DOT1L: variants seen among roughly 807,000 people sequenced by gnomAD.
DOT1L encodes histone-lysine N-methyltransferase, H3 lysine-79 specific.
A neutral mutation model predicts 153.3 loss-of-function variants in DOT1L; 33 were observed. That is an observed-to-expected ratio of 0.22 (90% CI 0.16 to 0.29). The LOEUF (loss-of-function observed/expected upper bound fraction) is 0.29. DOT1L is among the 10% of genes least tolerant of loss of function. DOT1L has a pLI of 1.00. For synonymous variants in DOT1L, 1,135 were observed against 965.1 expected (o/e 1.18, Z -3.26); for missense variants, 1,847 against 2,119.9 (o/e 0.87, Z 2.53).
chr19:2,230,109 A>C lies in DOT1L; in HGVS notation c.*317A>C, dbSNP rs559261408. On this transcript the variant is annotated 3_prime_UTR_variant, in exon 28 of 28. Transcript: ENST00000398665. ...CTATATATGAGAGCTCTATATAAAG[A>C]CACGTGTCTGCAGGGCGGGCCCGCC... 7.3e-5 allele frequency: 39 copies of C among 537,462 alleles called. No homozygotes were observed. In the South Asian group the frequency reaches 9.8e-4, roughly 14 times the overall value. The allele number at this position is 537,462 out of a possible 1,614,324, so 33.3% of individuals were successfully genotyped here.
At position 2,189,723 on chromosome 19, in the gene DOT1L, CT is replaced by C. The variant is rs2144736277; in HGVS notation, c.201-4del. 1 of 1,610,120 alleles carries C rather than the reference CT, an allele frequency of 6.2e-7. No individual in the cohort carries two copies. ...CCGCATGACCAGGGCCTTCCCTTGC[CT>C]TTTTCAGCTTCGAGAGCATGCAGAG... is the stretch of plus-strand genomic sequence containing the variant. On this transcript the variant is annotated splice_polypyrimidine_tract_variant and splice_region_variant and intron_variant, in intron 3 of 27. Transcript: ENST00000398665.
At chr19:2,168,246 T>C (rs1347569602) in intron 1 of DOT1L, among the ~76,000 whole-genome samples, 3 of 152,122 alleles carry the variant, frequency 2.0e-5, no homozygotes, top group African/African-American at 7.2e-5. Flanking sequence ...GGCGGGAGGA[T>C]TGCTTGAGCC....
In DOT1L at chr19:2,193,441, G is replaced by A. The variant is rs777982411; in HGVS notation, c.494-248G>A. ...GAGACTCAAAATGGATTCTGGTTTC[G>A]GGGGCCACCAAGTGATGTCCATGGA... On this transcript the variant is annotated intron_variant, in intron 5 of 27. Transcript: ENST00000398665. The surrounding 1 kb of genome is among the most constrained non-coding windows in gnomAD (Gnocchi z 5.9). Among the ~76,000 whole-genome samples the A allele has an allele frequency of 4.6e-5, 7 of 152,158 alleles. No homozygotes were observed. Among genetic ancestry groups the A allele is most frequent in the Non-Finnish European group, 1.0e-4 (7 of 68,020 alleles).
intron 19 of DOT1L, 130 bp downstream of exon 19, chr19:2,214,726 G>A: frequency 7.4e-7 from 1 of 1,354,846 alleles, no homozygotes; most frequent in Non-Finnish European, 9.8e-7. Flanking sequence ...ACAGTTGGGT[G>A]GAGGCTTATG....
Position 2,206,800 on chromosome 19 carries a change from A to G in DOT1L, c.856+3A>G. The G allele has an allele frequency of 6.2e-7, 1 of 1,613,406 alleles. No individual in the cohort carries two copies. On this transcript the variant is annotated splice_donor_region_variant and intron_variant, in intron 10 of 27. Transcript: ENST00000398665. ...AATAAACAGTAGAAACTTGAGTGGTAAGAAACTCTCATGTTGTTAATGATG... is the reference window on the plus strand; with the variant it reads ...AATAAACAGTAGAAACTTGAGTGGTGAGAAACTCTCATGTTGTTAATGATG...
chr19:2,223,177 G>T, intron 24 of DOT1L, 104 bp from the exon 25 acceptor site: 1 of 1,296,538 alleles, frequency 7.7e-7, no homozygotes, highest in Non-Finnish European at 1.1e-6. Context: ...GTTTCCTCAG[G>T]AGACCCTGGG....
Position 2,220,485 on chromosome 19 carries a change from C to G in DOT1L, c.2806+263C>G, listed in dbSNP as rs1459176986. On this transcript the variant is annotated intron_variant, in intron 23 of 27. Transcript: ENST00000398665. The surrounding 1 kb of genome is among the most constrained non-coding windows in gnomAD (Gnocchi z 4.5). ...CCTGCTTGGGTGTATTAATTCAGCCCGTGAGGTCGGCCCCAGTGCTCTCGG... is the reference window on the plus strand; with the variant it reads ...CCTGCTTGGGTGTATTAATTCAGCCGGTGAGGTCGGCCCCAGTGCTCTCGG... The G allele has an allele frequency of 7.1e-6, 4 of 565,204 alleles. No individual in the cohort carries two copies. Among genetic ancestry groups the G allele is most frequent in the Non-Finnish European group, 3.4e-6 (1 of 297,040 alleles). 35.0% of individuals were successfully genotyped at this position (565,204 alleles called of 1,614,324 possible). A position where few individuals can be genotyped will look rare whatever the true frequency, so the allele number is the denominator to read the frequency against.
rs2024207917 is a variant in DOT1L, at chr19:2,223,472, G to A, written c.3582G>A (p.Glu1194=). 6.2e-7 allele frequency: 1 copy of A among 1,610,726 alleles called. No homozygotes were observed. The highest frequency in any genetic ancestry group is 8.5e-7 in the Non-Finnish European group (1 of 1,179,524). The change falls in exon 25 of 28, where the codon GAG becomes GAA. Residue 1194 remains glutamate (E), a synonymous_variant. Coordinates refer to ENST00000398665, the MANE Select transcript of DOT1L (RefSeq NM_032482.3). ...ACGAGGAGCCAGGCTCTGAGGACGA[G>A]CCCAGCAGTGCTCGGCGAGTCCAGG... ...TSDEEPGSED[E]PSSARIERKI... is the part of the protein sequence containing the mutation.
chr19:2,205,937 G>A (rs939910017), intron 9 of DOT1L, among the ~76,000 whole-genome samples: 6 of 152,022 alleles, frequency 3.9e-5, no homozygotes, highest in African/African-American at 9.6e-5. Flanking sequence ...CAGTCTGCCC[G>A]CCTTGGCCTC....
In DOT1L at chr19:2,223,327, C is replaced by G. The variant is rs774144803; in HGVS notation, c.3437C>G (p.Pro1146Arg). 1.2e-6 allele frequency: 2 copies of G among 1,613,706 alleles called. No homozygotes were observed. The highest frequency in any genetic ancestry group is 1.7e-6 in the Non-Finnish European group (2 of 1,179,982). The change falls in exon 25 of 28, where the codon CCG becomes CGG. Residue 1146 changes from proline (P) to arginine (R), a missense_variant. Around this residue, in one of 8 missense-constraint regions of DOT1L, gnomAD observed 934 missense variants for 825.3 expected, o/e 1.13. Coordinates refer to ENST00000398665, the MANE Select transcript of DOT1L (RefSeq NM_032482.3). The stretch of plus-strand genomic sequence containing the variant: ...CTGGAGATTACAGCCATCTCGTCCC[C>G]GGAGACCTCCCTGAAGAGCTCCCCT... ...QPLEITAISS[P>R]ETSLKSSPVP...
chr19:2,186,029 C>T, intron 3 of DOT1L, 100 bp downstream of exon 3: 2 of 1,126,260 alleles, frequency 1.8e-6, no homozygotes, highest in Non-Finnish European at 2.6e-6. Flanking sequence ...TTAGATGGTG[C>T]AAGCTGATCT....
chr19:2,209,100 C>A, intron 12 of DOT1L, 124 bp downstream of exon 12: 1 of 1,101,636 alleles, frequency 9.1e-7, no homozygotes, highest in Non-Finnish European at 1.3e-6. Context: ...CCCCTCGGGG[C>A]CCGGCCCTGT....
intron 3 of DOT1L, chr19:2,188,234 C>T (rs1051043668): frequency 6.6e-6 from 1 of 152,210 alleles, no homozygotes; most frequent in Non-Finnish European, 1.5e-5. Context: ...GCCTGTGGAG[C>T]ACTGGTTTTC....
intron 1 of DOT1L, among the ~76,000 whole-genome samples, chr19:2,174,877 TCCTCCCGCCTCAA>T (rs995092859): frequency 1.3e-5 from 2 of 151,702 alleles, no homozygotes; most frequent in African/African-American, 4.8e-5. Context: ...CTTCAAGCAG[TCCTCCCGCCTCAA>T]CCTCCCAGAG....
In DOT1L at chr19:2,224,880, T is replaced by A. The variant is rs983771161; in HGVS notation, c.3597-508T>A. On this transcript the variant is annotated intron_variant, in intron 25 of 27. Transcript: ENST00000398665. Reference sequence around the variant, plus strand: ...TTTGCATTGGGATTGCTCAGCTTAGTGGTTTCCAGGATCTTTAGGAATTTG... The same window carrying A: ...TTTGCATTGGGATTGCTCAGCTTAGAGGTTTCCAGGATCTTTAGGAATTTG... 1.6e-4 allele frequency among the ~76,000 whole-genome samples: 24 copies of A among 152,338 alleles called. No individual in the cohort carries two copies. The East Asian group carries it at 4.6e-3, about 29-fold the overall frequency.
chr19:2,185,949 G>T lies in DOT1L; in HGVS notation c.200+20G>T, dbSNP rs2022485119. 1 of 1,612,054 alleles carries T rather than the reference G, an allele frequency of 6.2e-7. No individual in the cohort carries two copies. The highest frequency in any genetic ancestry group is 1.3e-5 in the African/African-American group (1 of 74,898). ...CAAAAGGTAAGCAGAGTCCTGTCCA[G>T]CCGCTCCGCTCCGAGGACAGACTCG... On this transcript the variant is annotated intron_variant, in intron 3 of 27. Transcript: ENST00000398665.
intron 10 of DOT1L, 23 bp downstream of exon 10, chr19:2,206,820 A>T: frequency 6.2e-7 from 1 of 1,607,310 alleles, no homozygotes; most frequent in East Asian, 2.2e-5. Context: ...CATGTTGTTA[A>T]TGATGAACAC....
At chr19:2,175,925 G>A (rs1430043862) in intron 1 of DOT1L, among the ~76,000 whole-genome samples, 6 of 152,100 alleles carry the variant, frequency 3.9e-5, no homozygotes, top group African/African-American at 7.2e-5. Context: ...GGGCTCTTCC[G>A]CACAGAGGCT....
intron 19 of DOT1L, 110 bp downstream of exon 19, chr19:2,214,706 G>A (rs927055457): frequency 6.1e-6 from 9 of 1,465,772 alleles, no homozygotes; most frequent in Middle Eastern, 4.6e-4. Context: ...TAGGAAGAAG[G>A]TGGAGGAGGA....
Sources: gnomAD v4.1 joint callset for allele counts (sites outside exome capture counted in the v4.1 genomes callset) on GRCh38, gnomAD v4.1.1 for gene constraint, gnomAD v4.1.1 regional missense constraint, Gnocchi (gnomAD v3.1) non-coding constraint, MANE v1.5 for transcripts, NCBI Gene and HGNC (gene_info 2026-07-23, HGNC 2026-07-21) for gene names.